NFASC: variants seen among roughly 807,000 people sequenced by gnomAD.
NFASC encodes the protein neurofascin.
In NFASC, 43 loss-of-function variants were observed where a neutral mutation model predicts 147.5. That is an observed-to-expected ratio of 0.29 (90% CI 0.23 to 0.38). The LOEUF is 0.38. Among genes scored for constraint, NFASC ranks in the 10% least tolerant of loss-of-function variants. The pLI is 1.00. For missense variants in NFASC, 1,320 were observed against 1,689.0 expected, an observed-to-expected ratio of 0.78 and a Z score of 3.83; for synonymous variants, 622 against 665.5, an observed-to-expected ratio of 0.93 and a Z score of 1.01.
At chr1:204,882,080 G>C (rs1051327771) in intron 1 of NFASC, among the ~76,000 whole-genome samples, 1 of 152,120 alleles carries the variant, frequency 6.6e-6, no homozygotes, top group Non-Finnish European at 1.5e-5. Flanking sequence ...TGTATTCAGA[G>C]TTGAGCCCAA....
At chr1:204,828,896 C>A (rs914112380) in intron 1 of NFASC, 114 bp downstream of exon 1, 5 of 652,536 alleles carry the variant, frequency 7.7e-6, no homozygotes, top group East Asian at 2.3e-4. Flanking sequence ...GCCCCCTCCC[C>A]CTCCGTCCAC....
intron 2 of NFASC, among the ~76,000 whole-genome samples, chr1:204,932,032 T>C (rs759625143): frequency 6.6e-6 from 1 of 152,128 alleles, no homozygotes; most frequent in Non-Finnish European, 1.5e-5. Context: ...GCAACCTCAC[T>C]CTGGGCTTCA....
At chr1:204,992,976 C>A (rs2095768583) in intron 24 of NFASC, among the ~76,000 whole-genome samples, 1 of 152,254 alleles carries the variant, frequency 6.6e-6, no homozygotes, top group Admixed American at 6.5e-5. Context: ...TTCCGTGTGA[C>A]ATGGCAGTGG....
chr1:204,839,424 G>A (rs1209533291), intron 1 of NFASC, among the ~76,000 whole-genome samples: 1 of 144,696 alleles, frequency 6.9e-6, no homozygotes, highest in Non-Finnish European at 1.5e-5. Flanking sequence ...CACACGATAG[G>A]GAAAAACAAA....
intron 1 of NFASC, among the ~76,000 whole-genome samples, chr1:204,841,233 C>G (rs984266923): frequency 3.9e-5 from 6 of 152,200 alleles, no homozygotes; most frequent in African/African-American, 1.4e-4. Flanking sequence ...CGTTATTATT[C>G]CCATTACACT....
At position 204,975,309 on chromosome 1, in the gene NFASC, G is replaced by A. The variant is rs1348968379; in HGVS notation, c.1597G>A (p.Ala533Thr). 5 of 1,613,870 alleles carry A rather than the reference G, an allele frequency of 3.1e-6. No homozygotes were observed. Among genetic ancestry groups the A allele is most frequent in the Non-Finnish European group, 4.2e-6 (5 of 1,179,908 alleles). Residue 533 changes from alanine to threonine, a missense_variant, in exon 15 of 30, where the codon GCC (alanine) becomes ACC (threonine). Physicochemically the swap from Ala to Thr is moderately conservative, Grantham distance 58. Coordinates refer to ENST00000339876, the MANE Select transcript of NFASC (RefSeq NM_001005388.3). The surrounding 1 kb of genome is among the most constrained non-coding windows in gnomAD (Gnocchi z 4.0). ...RIYRMPEDQV[A>T]RRGTTVQLEC... ...CTACCGGATGCCCGAGGACCAGGTGGCCAGAAGGGGCACCACGGTGCAGCT... is the reference window on the plus strand; with the variant it reads ...CTACCGGATGCCCGAGGACCAGGTGACCAGAAGGGGCACCACGGTGCAGCT...
Position 205,007,386 on chromosome 1 carries a change from ACT to A in NFASC, c.3290-2168_3290-2167del, listed in dbSNP as rs560835013. Among the ~76,000 whole-genome samples, 27 of 148,406 alleles carry A rather than the reference ACT, an allele frequency of 1.8e-4. No individual in the cohort carries two copies. The South Asian group carries it at 5.7e-3, about 31-fold the overall frequency. ...ACTCCAACCTGGGCAATAGAGAGAGACTCTGTCTCAGAAAGAGAAGAGAAGAG... is the reference window on the plus strand; with the variant it reads ...ACTCCAACCTGGGCAATAGAGAGAGACTGTCTCAGAAAGAGAAGAGAAGAG... On this transcript the variant is annotated intron_variant, in intron 27 of 29. Coordinates refer to ENST00000339876, the MANE Select transcript of NFASC (RefSeq NM_001005388.3).
chr1:204,908,888 A>G (rs2086663140), intron 1 of NFASC, among the ~76,000 whole-genome samples: 1 of 152,188 alleles, frequency 6.6e-6, no homozygotes, highest in Non-Finnish European at 1.5e-5. Flanking sequence ...CATCTAAGTT[A>G]CTGCATATAT....
At chr1:204,946,499 T>C in intron 3 of NFASC, 1 of 410,024 alleles carries the variant, frequency 2.4e-6, no homozygotes, top group South Asian at 1.7e-5. Flanking sequence ...ACATGGCACC[T>C]CCCCGGTTGC....
At position 204,950,824 on chromosome 1, in the gene NFASC, GT is replaced by G. The variant is rs149289699; in HGVS notation, c.109+253del. Among the ~76,000 whole-genome samples the G allele has an allele frequency of 8.6e-3, 1,306 of 152,286 alleles. 20 individuals carry two copies. Among genetic ancestry groups the G allele is most frequent in the African/African-American group, 0.03 (1,247 of 41,548 alleles). Reference sequence around the variant, plus strand: ...ATCGAAGCTCATGTGCACCACAGCTGTTTCCCCATCCTCCAGTGGCTGGCAC... The same window carrying G: ...ATCGAAGCTCATGTGCACCACAGCTGTTCCCCATCCTCCAGTGGCTGGCAC... On this transcript the variant is annotated intron_variant, in intron 4 of 29. Coordinates refer to ENST00000339876, the MANE Select transcript of NFASC (RefSeq NM_001005388.3).
At chr1:204,899,627 G>A (rs1317391719) in intron 1 of NFASC, among the ~76,000 whole-genome samples, 1 of 152,216 alleles carries the variant, frequency 6.6e-6, no homozygotes, top group Non-Finnish European at 1.5e-5. Context: ...TCCCCTGGCA[G>A]CCGTGACTGC....
intron 2 of NFASC, among the ~76,000 whole-genome samples, chr1:204,932,422 A>C (rs2092443109): frequency 6.6e-6 from 1 of 152,182 alleles, no homozygotes; most frequent in East Asian, 1.9e-4. Flanking sequence ...ATTCCTTGCC[A>C]GGGACTATGC....
In NFASC at chr1:204,987,355, T is replaced by G. The variant is rs35846913; in HGVS notation, c.2471-63T>G. 6.6e-7 allele frequency: 1 copy of G among 1,506,580 alleles called. No individual in the cohort carries two copies. Among genetic ancestry groups the G allele is most frequent in the Non-Finnish European group, 9.1e-7 (1 of 1,099,242 alleles). The allele number at this position is 1,506,580 out of a possible 1,614,324, so 93.3% of individuals were successfully genotyped here. On this transcript the variant is annotated intron_variant, in intron 21 of 29. Transcript: ENST00000339876. The surrounding 1 kb of genome is among the most constrained non-coding windows in gnomAD (Gnocchi z 4.4). ...CTTCATACTTGTGCTTTGTTTTTTG[T>G]GTTTTCCTCATCCTCCCTGCCCCCT...
chr1:204,867,348 C>A (rs1330130927), intron 1 of NFASC, among the ~76,000 whole-genome samples: 1 of 151,832 alleles, frequency 6.6e-6, no homozygotes, highest in Non-Finnish European at 1.5e-5. Context: ...CTAGGACAAA[C>A]AAACACACTG....
chr1:204,928,534 G>C (rs995688776), intron 2 of NFASC, among the ~76,000 whole-genome samples: 14 of 152,166 alleles, frequency 9.2e-5, no homozygotes, highest in African/African-American at 3.4e-4. Context: ...GGGTCAAAGA[G>C]ACAGCATGAA....
At chr1:204,991,802 G>A (rs867450) in intron 24 of NFASC, among the ~76,000 whole-genome samples, 42,177 of 152,142 alleles carry the variant, frequency 0.28, 6,300 homozygotes, top group East Asian at 0.57. Context: ...ATGGGGGCCC[G>A]GCACCGGCTC....
In NFASC at chr1:204,962,169, G is replaced by A. The variant is rs370417725; in HGVS notation, c.706+4343G>A. 13 of 1,610,774 alleles carry A rather than the reference G, an allele frequency of 8.1e-6. No individual in the cohort carries two copies. In the African/African-American group the frequency reaches 1.6e-4, roughly 20 times the overall value. ...CTGACATGTACAGTGGTGAGTCGCA[G>A]CGGTAACCTTGGGAGTAACCTTGCC... is the stretch of plus-strand genomic sequence containing the variant. On this transcript the variant is annotated intron_variant, in intron 8 of 29. Transcript: ENST00000339876.
At position 204,871,511 on chromosome 1, in the gene NFASC, C is replaced by T. The variant is rs374758922; in HGVS notation, c.-200+42729C>T. Among the ~76,000 whole-genome samples, 4 of 152,248 alleles carry T rather than the reference C, an allele frequency of 2.6e-5. No homozygotes were observed. In the South Asian group the frequency reaches 6.2e-4, roughly 24 times the overall value. On this transcript the variant is annotated intron_variant, in intron 1 of 29. Transcript: ENST00000339876. Reference sequence around the variant, plus strand: ...TGTGAAGCCTGTGTTAACTCTGTGGCGTGTCTCTGTCCTACGTTAGTCTTC... The same window carrying T: ...TGTGAAGCCTGTGTTAACTCTGTGGTGTGTCTCTGTCCTACGTTAGTCTTC...
chr1:204,963,620 T>C (rs1034997291), intron 8 of NFASC, among the ~76,000 whole-genome samples: 11 of 152,222 alleles, frequency 7.2e-5, no homozygotes, highest in African/African-American at 2.7e-4. Context: ...CATCCAGGAC[T>C]ATGAAACAAG....
Sources: allele counts gnomAD v4.1 joint callset (sites outside exome capture counted in the v4.1 genomes callset), GRCh38; gene constraint gnomAD v4.1.1; non-coding constraint Gnocchi (gnomAD v3.1); transcripts MANE v1.5; gene names NCBI Gene and HGNC (gene_info 2026-07-23, HGNC 2026-07-21).